Variants in PLEKHA5 observed in about 807,000 individuals in gnomAD.
PLEKHA5 encodes the protein pleckstrin homology domain-containing family A member 5.
In PLEKHA5, 55 loss-of-function variants were observed where a neutral mutation model predicts 181.9. The ratio of observed to expected loss-of-function variants is 0.30; its 90% CI spans 0.24 to 0.38. The LOEUF is 0.38. Ranked by LOEUF, PLEKHA5 falls within the 10% of genes least tolerant of loss-of-function variation. PLEKHA5 has a pLI of 1.00. For synonymous variants in PLEKHA5, 535 were observed against 529.4 expected (o/e 1.01, Z -0.15); for missense variants, 1,432 against 1,549.5 (o/e 0.92, Z 1.27).
intron 15 of PLEKHA5, among the ~76,000 whole-genome samples, chr12:19,308,713 A>G (rs906016614): frequency 3.9e-5 from 6 of 152,128 alleles, no homozygotes; most frequent in African/African-American, 1.2e-4. Flanking sequence ...GTTTGTTGAC[A>G]TGCCAAATTA....
intron 3 of PLEKHA5, among the ~76,000 whole-genome samples, chr12:19,134,790 A>G (rs1565850995): frequency 6.6e-6 from 1 of 152,282 alleles, no homozygotes; most frequent in South Asian, 2.1e-4. Flanking sequence ...TGCCTTTGGA[A>G]CTTACAGTTT....
chr12:19,140,956 AT>A (rs1424380330), intron 3 of PLEKHA5, among the ~76,000 whole-genome samples: 2 of 151,912 alleles, frequency 1.3e-5, no homozygotes, highest in Non-Finnish European at 2.9e-5. Context: ...CGCCCGGCTA[AT>A]TTTTTTGTAT....
intron 20 of PLEKHA5, among the ~76,000 whole-genome samples, chr12:19,328,698 A>G (rs925863753): frequency 7.9e-5 from 12 of 151,894 alleles, no homozygotes; most frequent in Non-Finnish European, 1.5e-4. Context: ...GTGTCCTGAA[A>G]CTTTCCTGAA....
chr12:19,373,421 G>C (rs1247978175), intron 31 of PLEKHA5: 1 of 151,640 alleles, frequency 6.6e-6, no homozygotes, highest in African/African-American at 2.4e-5. Flanking sequence ...GCCCACACCT[G>C]TAATCCCAGC....
chr12:19,285,018 C>A (rs948621339), intron 12 of PLEKHA5, among the ~76,000 whole-genome samples: 2 of 152,136 alleles, frequency 1.3e-5, no homozygotes, highest in Non-Finnish European at 2.9e-5. Flanking sequence ...TCTTCAGCTG[C>A]GTTATTACCT....
At chr12:19,220,106 G>T (rs117033327) in intron 3 of PLEKHA5, among the ~76,000 whole-genome samples, 9,049 of 150,734 alleles carry the variant, frequency 0.06, 340 homozygotes, top group South Asian at 0.11. Flanking sequence ...GCTGGAAACT[G>T]CTCCCATCCC....
intron 3 of PLEKHA5, among the ~76,000 whole-genome samples, chr12:19,222,514 T>C (rs2059115648): frequency 6.6e-6 from 1 of 152,142 alleles, no homozygotes; most frequent in Admixed American, 6.6e-5. Context: ...TTGATTGAAA[T>C]AGCAACTTAG....
chr12:19,212,878 T>G (rs977300583), intron 3 of PLEKHA5, among the ~76,000 whole-genome samples: 44 of 149,546 alleles, frequency 2.9e-4, no homozygotes, highest in Middle Eastern at 3.5e-3. Context: ...AGACTGTAAG[T>G]GGCAGAGTTA....
At chr12:19,374,667 T>G (rs561040895) in intron 31 of PLEKHA5, among the ~76,000 whole-genome samples, 2 of 146,732 alleles carry the variant, frequency 1.4e-5, no homozygotes, top group South Asian at 2.2e-4. Flanking sequence ...TCAAAAATAA[T>G]AAGAAGGCCA....
chr12:19,226,906 C>T (rs983389105), intron 3 of PLEKHA5, among the ~76,000 whole-genome samples: 1 of 151,870 alleles, frequency 6.6e-6, no homozygotes, highest in East Asian at 1.9e-4. Flanking sequence ...AAGAGTTATA[C>T]AGATTATTTA....
At chr12:19,225,504 T>C (rs949194013) in intron 3 of PLEKHA5, among the ~76,000 whole-genome samples, 1 of 152,188 alleles carries the variant, frequency 6.6e-6, no homozygotes, top group Non-Finnish European at 1.5e-5. Context: ...TTATTTTCCC[T>C]CGTTACATTA....
intron 6 of PLEKHA5, 64 bp from the exon 7 acceptor site, chr12:19,260,885 A>T: frequency 1.1e-6 from 1 of 939,752 alleles, no homozygotes; most frequent in South Asian, 1.9e-5. Flanking sequence ...AAATAAATAA[A>T]TAAATGCACA....
chr12:19,177,195 G>T (rs1199014969), intron 3 of PLEKHA5, among the ~76,000 whole-genome samples: 1 of 152,030 alleles, frequency 6.6e-6, no homozygotes, highest in Non-Finnish European at 1.5e-5. Flanking sequence ...TTTGTGGTAA[G>T]AACACCTAAA....
At chr12:19,268,678 A>G (rs1341257662) in intron 8 of PLEKHA5, among the ~76,000 whole-genome samples, 1 of 152,172 alleles carries the variant, frequency 6.6e-6, no homozygotes, top group Non-Finnish European at 1.5e-5. Flanking sequence ...CATTTGACTG[A>G]TGGCGAGCAT....
At chr12:19,189,337 G>T (rs1324292196) in intron 3 of PLEKHA5, among the ~76,000 whole-genome samples, 1 of 152,182 alleles carries the variant, frequency 6.6e-6, no homozygotes, top group Non-Finnish European at 1.5e-5. Flanking sequence ...AAGAAAGATG[G>T]TAAATAGATG....
intron 15 of PLEKHA5, among the ~76,000 whole-genome samples, chr12:19,296,479 C>G (rs2079836500): frequency 6.6e-6 from 1 of 150,804 alleles, no homozygotes; most frequent in Non-Finnish European, 1.5e-5. Flanking sequence ...AGCTAGGAAG[C>G]AGAGGTTGCA....
Position 19,351,080 on chromosome 12 carries a change from C to T in PLEKHA5, c.3019+2561C>T, listed in dbSNP as rs149608205. Among the ~76,000 whole-genome samples, 524 of 151,540 alleles carry T rather than the reference C, an allele frequency of 3.5e-3. 7 individuals carry two copies. The highest frequency in any genetic ancestry group is 0.012 in the African/African-American group (489 of 41,314). On this transcript the variant is annotated intron_variant, in intron 25 of 31. Transcript: ENST00000429027. ...CCTGCCAAGTAGCTGAGACTACACA[C>T]GTGTGCCACCACACCTGGCTAATTT...
At chr12:19,182,113 A>G (rs2048750002) in intron 3 of PLEKHA5, among the ~76,000 whole-genome samples, 1 of 152,196 alleles carries the variant, frequency 6.6e-6, no homozygotes, top group Non-Finnish European at 1.5e-5. Flanking sequence ...ATTTATTTTT[A>G]CTTTTTAAGA....
chr12:19,217,467 A>G (rs906263198), intron 3 of PLEKHA5, among the ~76,000 whole-genome samples: 1 of 152,222 alleles, frequency 6.6e-6, no homozygotes, highest in African/African-American at 2.4e-5. Context: ...ATAAATTTTA[A>G]TTGTGCCAGT....
Sources: gnomAD v4.1 joint callset for allele counts (sites outside exome capture counted in the v4.1 genomes callset) on GRCh38, gnomAD v4.1.1 for gene constraint, MANE v1.5 for transcripts, NCBI Gene and HGNC (gene_info 2026-07-23, HGNC 2026-07-21) for gene names.